LNP1: variants seen among roughly 807,000 people sequenced by gnomAD.
LNP1 encodes the protein leukemia NUP98 fusion partner 1.
LNP1 carries 12 observed loss-of-function variants against 14.5 expected under a neutral mutation model. The observed-to-expected ratio is 0.83, with a 90% CI of 0.53 to 1.34. The LOEUF (loss-of-function observed/expected upper bound fraction) is 1.34. LNP1 is among the 40% of genes most tolerant of loss of function. The pLI, the probability that LNP1 is intolerant of heterozygous loss-of-function variation, is 0.00. For synonymous variants in LNP1, 75 were observed against 71.4 expected (o/e 1.05, Z -0.26); for missense variants, 198 against 210.9 (o/e 0.94, Z 0.38).
chr3:100,412,431 G>C, intron 1 of LNP1, among the ~76,000 whole-genome samples: 1 of 152,254 alleles, frequency 6.6e-6, no homozygotes, highest in South Asian at 2.1e-4. Flanking sequence ...TATCCAAACA[G>C]TAGCATAGAT....
At chr3:100,428,690 G>T (rs1707216702) in intron 1 of LNP1, among the ~76,000 whole-genome samples, 1 of 151,748 alleles carries the variant, frequency 6.6e-6, no homozygotes, top group African/African-American at 2.4e-5. Flanking sequence ...CTTTATAAAA[G>T]CCCCAACTAG....
intron 1 of LNP1, among the ~76,000 whole-genome samples, chr3:100,412,698 ATGTTTTCTCT>A (rs2148899505): frequency 6.6e-6 from 1 of 152,280 alleles, no homozygotes; most frequent in Admixed American, 6.5e-5. Flanking sequence ...GCAAAGTAAT[ATGTTTTCTCT>A]TTTGTATTAG....
intron 1 of LNP1, among the ~76,000 whole-genome samples, chr3:100,406,007 C>T (rs149628412): frequency 3.3e-5 from 5 of 152,164 alleles, no homozygotes; most frequent in Non-Finnish European, 7.3e-5. Flanking sequence ...CTATGTGGGC[C>T]GGGTGCAGTG....
intron 2 of LNP1, among the ~76,000 whole-genome samples, chr3:100,438,214 A>T (rs568405386): frequency 6.6e-6 from 1 of 152,348 alleles, no homozygotes; most frequent in East Asian, 1.9e-4. Flanking sequence ...AAGAACATCG[A>T]GTAGTTAAGC....
intron 1 of LNP1, among the ~76,000 whole-genome samples, chr3:100,422,367 T>G (rs1199670342): frequency 6.6e-6 from 1 of 152,014 alleles, no homozygotes; most frequent in Non-Finnish European, 1.5e-5. Context: ...GCATTTTTAG[T>G]GGAGACAGGG....
chr3:100,404,425 G>A (rs1247000646), intron 1 of LNP1, among the ~76,000 whole-genome samples: 1 of 152,158 alleles, frequency 6.6e-6, no homozygotes, highest in Non-Finnish European at 1.5e-5. Flanking sequence ...TGGCTATTGA[G>A]CACTTGAAAT....
chr3:100,401,769 A>C lies in LNP1; in HGVS notation c.-704A>C, dbSNP rs577345959. 1.3e-5 allele frequency: 2 copies of C among 152,344 alleles called. No individual in the cohort carries two copies. The highest frequency in any genetic ancestry group is 4.1e-4 in the South Asian group (2 of 4,832). The allele number at this position is 152,344 out of a possible 1,614,324, so 9.4% of individuals were successfully genotyped here. ...ATAGGGGAGATAGCGATGGCAGAAG[A>C]CTAGGTGGAAATGGCACATCTAGGT... On this transcript the variant is annotated 5_prime_UTR_variant, in exon 1 of 4. Coordinates refer to ENST00000383693, the MANE Select transcript of LNP1 (RefSeq NM_001085451.2).
At chr3:100,420,855 A>C (rs941048558) in intron 1 of LNP1, among the ~76,000 whole-genome samples, 1 of 152,074 alleles carries the variant, frequency 6.6e-6, no homozygotes, top group East Asian at 1.9e-4. Context: ...TGTCAAGTCT[A>C]AGAACTCTTG....
intron 1 of LNP1, among the ~76,000 whole-genome samples, chr3:100,411,075 G>A (rs769765808): frequency 7.2e-5 from 11 of 152,174 alleles, no homozygotes; most frequent in Admixed American, 2.0e-4. Flanking sequence ...ACTACCACCC[G>A]AGAGGGCCTG....
chr3:100,405,920 C>T (rs1576223682), intron 1 of LNP1, among the ~76,000 whole-genome samples: 1 of 152,120 alleles, frequency 6.6e-6, no homozygotes, highest in Admixed American at 6.5e-5. Context: ...ACATTTCTGC[C>T]CACCCATGCC....
At position 100,455,762 on chromosome 3, in the gene LNP1, A is replaced by T. The variant is rs534532801; in HGVS notation, c.388-15A>T. On this transcript the variant is annotated splice_polypyrimidine_tract_variant and intron_variant, in intron 3 of 3. Transcript: ENST00000383693. ...GCTTGTGCATTTTTACCTGTTTCTG[A>T]TCTTTCCCTTTCAGGGACCTGAAAG... 2.0e-5 allele frequency: 33 copies of T among 1,613,346 alleles called. No homozygotes were observed. In the East Asian group the frequency reaches 6.9e-4, roughly 34 times the overall value.
chr3:100,420,305 C>T (rs558947762), intron 1 of LNP1, among the ~76,000 whole-genome samples: 4 of 151,722 alleles, frequency 2.6e-5, no homozygotes, highest in Admixed American at 2.6e-4. Flanking sequence ...TGCCTGCCTT[C>T]CTTCCTTCCT....
intron 1 of LNP1, among the ~76,000 whole-genome samples, chr3:100,418,433 T>G (rs1707110072): frequency 6.7e-6 from 1 of 149,016 alleles, no homozygotes; most frequent in Non-Finnish European, 1.5e-5. Context: ...TGTAGGTACT[T>G]TTTTTTTTTG....
At chr3:100,446,054 C>T (rs1707384142) in intron 2 of LNP1, among the ~76,000 whole-genome samples, 1 of 152,148 alleles carries the variant, frequency 6.6e-6, no homozygotes, top group African/African-American at 2.4e-5. Flanking sequence ...AATGCCATCC[C>T]CATCAGGCTA....
intron 1 of LNP1, among the ~76,000 whole-genome samples, chr3:100,416,985 T>C (rs930674873): frequency 6.6e-6 from 1 of 152,140 alleles, no homozygotes; most frequent in African/African-American, 2.4e-5. Context: ...TTTTGCTAGG[T>C]ATAAAATTCC....
chr3:100,406,476 C>T (rs1431386558), intron 1 of LNP1, among the ~76,000 whole-genome samples: 1 of 152,088 alleles, frequency 6.6e-6, no homozygotes, highest in Non-Finnish European at 1.5e-5. Flanking sequence ...TACCCAGATA[C>T]TTGTTTAAAC....
At chr3:100,434,681 A>G (rs190209452) in intron 2 of LNP1, among the ~76,000 whole-genome samples, 97 of 151,760 alleles carry the variant, frequency 6.4e-4, no homozygotes, top group African/African-American at 2.1e-3. Context: ...GGCGTGCACC[A>G]CCATGCCTGG....
At chr3:100,450,604 T>C (rs1438977701) in intron 2 of LNP1, among the ~76,000 whole-genome samples, 1 of 152,194 alleles carries the variant, frequency 6.6e-6, no homozygotes, top group Non-Finnish European at 1.5e-5. Context: ...CCCAAAGTGC[T>C]GGGATTACAG....
intron 2 of LNP1, among the ~76,000 whole-genome samples, chr3:100,432,856 G>A (rs1377918766): frequency 1.3e-5 from 2 of 152,090 alleles, no homozygotes; most frequent in African/African-American, 2.4e-5. Context: ...TCTGGGGCTC[G>A]TGGAAGGGAA....
Sources: allele counts gnomAD v4.1 joint callset (sites outside exome capture counted in the v4.1 genomes callset), GRCh38; gene constraint gnomAD v4.1.1; transcripts MANE v1.5; gene names NCBI Gene and HGNC (gene_info 2026-07-23, HGNC 2026-07-21).